RPAP2: variants seen among roughly 807,000 people sequenced by gnomAD.
RPAP2 encodes the protein putative RNA polymerase II subunit B1 CTD phosphatase RPAP2.
In RPAP2, 52 loss-of-function variants were observed where a neutral mutation model predicts 73.1. The ratio of observed to expected loss-of-function variants is 0.71; its 90% CI spans 0.57 to 0.90. The LOEUF is 0.90. RPAP2 is among the 40% of genes least tolerant of loss of function. RPAP2 has a pLI of 0.00. For synonymous variants in RPAP2, 225 were observed against 242.1 expected (o/e 0.93, Z 0.65); for missense variants, 598 against 701.8 (o/e 0.85, Z 1.67).
At chr1:92,315,142 T>C (rs1571040752) in intron 6 of RPAP2, among the ~76,000 whole-genome samples, 1 of 152,158 alleles carries the variant, frequency 6.6e-6, no homozygotes, top group South Asian at 2.1e-4. Context: ...GGAAAAGCAG[T>C]ATTCAATGTC....
chr1:92,385,091 T>G (rs1026696656), intron 12 of RPAP2, among the ~76,000 whole-genome samples: 1 of 151,706 alleles, frequency 6.6e-6, no homozygotes, highest in Non-Finnish European at 1.5e-5. Flanking sequence ...GGAGGATTTC[T>G]TGAGCCCAGG....
chr1:92,313,858 T>C (rs1397673847), intron 6 of RPAP2, among the ~76,000 whole-genome samples: 2 of 152,234 alleles, frequency 1.3e-5, no homozygotes, highest in Non-Finnish European at 2.9e-5. Context: ...TCAGCACTTG[T>C]GGCTTCACCT....
At position 92,313,402 on chromosome 1, in the gene RPAP2, C is replaced by T. The variant is rs374304274; in HGVS notation, c.488+6126C>T. 3.6e-4 allele frequency among the ~76,000 whole-genome samples: 54 copies of T among 151,208 alleles called. 2 individuals carry two copies. In the South Asian group the frequency reaches 0.011, roughly 31 times the overall value. On this transcript the variant is annotated intron_variant, in intron 6 of 12. Coordinates refer to ENST00000610020, the MANE Select transcript of RPAP2 (RefSeq NM_024813.3). ...CATTTGCATCAGAGTTCTTGGGTGGCTAGGTACATTGTTAATAATCAGTAA... is the reference window on the plus strand; with the variant it reads ...CATTTGCATCAGAGTTCTTGGGTGGTTAGGTACATTGTTAATAATCAGTAA...
At position 92,380,075 on chromosome 1, in the gene RPAP2, C is replaced by T. The variant is rs566818176; in HGVS notation, c.1689-649C>T. 1.1e-3 allele frequency among the ~76,000 whole-genome samples: 164 copies of T among 150,990 alleles called. 2 individuals are homozygous for T. In the South Asian group the frequency reaches 0.012, roughly 11 times the overall value. On this transcript the variant is annotated intron_variant, in intron 11 of 12. Transcript: ENST00000610020. ...GGTGGATCGCCTGAGGCCAGGAGTT[C>T]GAGACCAGCCTGGCCAACATGGTGA...
At chr1:92,311,534 A>G (rs558754029) in intron 6 of RPAP2, among the ~76,000 whole-genome samples, 43 of 152,358 alleles carry the variant, frequency 2.8e-4, no homozygotes, top group African/African-American at 9.6e-4. Flanking sequence ...AAGAAAAACC[A>G]GGCATGTTTT....
At chr1:92,366,077 G>A (rs1654921999) in intron 11 of RPAP2, among the ~76,000 whole-genome samples, 1 of 152,212 alleles carries the variant, frequency 6.6e-6, no homozygotes, top group Non-Finnish European at 1.5e-5. Context: ...AACTAGGAAA[G>A]AACTGGCATT....
At chr1:92,324,853 A>G (rs1367701348) in intron 8 of RPAP2, among the ~76,000 whole-genome samples, 1 of 152,206 alleles carries the variant, frequency 6.6e-6, no homozygotes, top group Non-Finnish European at 1.5e-5. Context: ...AAAGAGACTT[A>G]TTGGGAAATA....
Position 92,390,618 on chromosome 1 carries a change from A to G in RPAP2, c.*3607A>G, listed in dbSNP as rs903586216. On this transcript the variant is annotated 3_prime_UTR_variant, in exon 13 of 13. Coordinates refer to ENST00000610020, the MANE Select transcript of RPAP2 (RefSeq NM_024813.3). ...GACTGGCAAATTGAATAAACAGTCA[A>G]GACCCATCAGTGAGCTATATTCAGG... The G allele has an allele frequency of 6.6e-6, 1 of 152,258 alleles. No individual in the cohort carries two copies. Among genetic ancestry groups the G allele is most frequent in the Non-Finnish European group, 1.5e-5 (1 of 68,050 alleles). The allele number at this position is 152,258 out of a possible 1,614,324, so 9.4% of individuals were successfully genotyped here.
At chr1:92,323,063 T>C (rs1268187192) in intron 7 of RPAP2, among the ~76,000 whole-genome samples, 2 of 146,212 alleles carry the variant, frequency 1.4e-5, no homozygotes, top group East Asian at 3.9e-4. Context: ...TATATATACT[T>C]TATATATATA....
rs536938228 is a variant in RPAP2, at chr1:92,311,274, A to G, written c.488+3998A>G. 3.3e-5 allele frequency among the ~76,000 whole-genome samples: 5 copies of G among 152,290 alleles called. No individual in the cohort carries two copies. The East Asian group carries it at 7.7e-4, about 23-fold the overall frequency. On this transcript the variant is annotated intron_variant, in intron 6 of 12. Coordinates refer to ENST00000610020, the MANE Select transcript of RPAP2 (RefSeq NM_024813.3). The stretch of plus-strand genomic sequence containing the variant: ...CAACTTCCGAGTTCCCTTTGGTTCT[A>G]ATGATTTACAGTTCTAAGCCAATTG...
chr1:92,299,336 C>A (rs1650606555), intron 1 of RPAP2, among the ~76,000 whole-genome samples, 190 bp downstream of exon 1: 1 of 152,176 alleles, frequency 6.6e-6, no homozygotes. Flanking sequence ...CCCCTCACCC[C>A]TTTACGCCAG....
Position 92,395,014 on chromosome 1 carries a change from TC to T in RPAP2, c.*8004del, listed in dbSNP as rs1340029267. The T allele has an allele frequency of 6.6e-6, 1 of 152,228 alleles. No individual in the cohort carries two copies. Among genetic ancestry groups the T allele is most frequent in the African/African-American group, 2.4e-5 (1 of 41,460 alleles). 9.4% of individuals were successfully genotyped at this position (152,228 alleles called of 1,614,324 possible). A position where few individuals can be genotyped will look rare whatever the true frequency, so the allele number is the denominator to read the frequency against. On this transcript the variant is annotated 3_prime_UTR_variant, in exon 13 of 13. Coordinates refer to ENST00000610020, the MANE Select transcript of RPAP2 (RefSeq NM_024813.3). ...CAGGAATAAACCTTCACATTTATGA[TC>T]AATTAAGTTTTGACAAAAATCCCAA...
chr1:92,374,549 A>T (rs1655307549), intron 11 of RPAP2, among the ~76,000 whole-genome samples: 1 of 152,138 alleles, frequency 6.6e-6, no homozygotes. Context: ...TACTCCAATG[A>T]CACCTATCAT....
At chr1:92,317,710 A>T (rs979630974) in intron 6 of RPAP2, among the ~76,000 whole-genome samples, 1 of 152,170 alleles carries the variant, frequency 6.6e-6, no homozygotes, top group Non-Finnish European at 1.5e-5. Context: ...ACCACAATTT[A>T]AAAAATCCAC....
rs3041650 is a variant in RPAP2, at chr1:92,395,635, CAAAAAAAAAAAAA to C, written c.*8635_*8647del. ...TGGGTGACAGAGTGAGACCCTGTCT[CAAAAAAAAAAAAA>C]AAAAAAAAAATTAATTGAAAAATCA... On this transcript the variant is annotated 3_prime_UTR_variant, in exon 13 of 13. Transcript: ENST00000610020. 1 of 96,090 alleles carries C rather than the reference CAAAAAAAAAAAAA, an allele frequency of 1.0e-5. No individual in the cohort carries two copies. 6.0% of individuals were successfully genotyped at this position (96,090 alleles called of 1,614,324 possible).
intron 11 of RPAP2, among the ~76,000 whole-genome samples, chr1:92,346,450 C>T (rs898840755): frequency 2.6e-5 from 4 of 152,164 alleles, no homozygotes. Flanking sequence ...AGGCATGAGC[C>T]ACCACACCCA....
At chr1:92,318,614 T>C (rs1652066221) in intron 6 of RPAP2, among the ~76,000 whole-genome samples, 1 of 152,202 alleles carries the variant, frequency 6.6e-6, no homozygotes, top group Non-Finnish European at 1.5e-5. Context: ...CAGAAACTCC[T>C]TCAACATTAT....
At chr1:92,338,256 A>C (rs1386981079) in intron 10 of RPAP2, among the ~76,000 whole-genome samples, 2 of 152,206 alleles carry the variant, frequency 1.3e-5, no homozygotes, top group African/African-American at 4.8e-5. Flanking sequence ...ATTAGGTGTC[A>C]TGAAAACTAT....
chr1:92,359,620 A>G (rs144840570), intron 11 of RPAP2, among the ~76,000 whole-genome samples: 64 of 152,312 alleles, frequency 4.2e-4, no homozygotes, highest in African/African-American at 1.3e-3. Flanking sequence ...GTGCCTGGCA[A>G]TGCACTTGGT....
Sources: allele counts gnomAD v4.1 joint callset (sites outside exome capture counted in the v4.1 genomes callset), GRCh38; gene constraint gnomAD v4.1.1; transcripts MANE v1.5; gene names NCBI Gene and HGNC (gene_info 2026-07-23, HGNC 2026-07-21).